The following GAN variants were observed in gnomAD, a reference collection of about 807,000 sequenced individuals.
The protein encoded by GAN is epididymis secretory sperm binding protein.
A neutral mutation model predicts 71.3 loss-of-function variants in GAN; 48 were observed. That is an observed-to-expected ratio of 0.67 (90% CI 0.53 to 0.86). The LOEUF is 0.86. Among genes scored for constraint, GAN ranks in the 40% least tolerant of loss-of-function variants. GAN has a pLI of 0.00. For synonymous variants in GAN, 386 were observed against 276.8 expected (o/e 1.39, Z -3.92); for missense variants, 928 against 770.1 (o/e 1.21, Z -2.43).
rs1000327910 is a variant in GAN at position 81,377,793 on chromosome 16, G to A, written c.*197G>A. 12 of 611,166 alleles carry A rather than the reference G, an allele frequency of 2.0e-5. No homozygotes were observed. Among genetic ancestry groups the A allele is most frequent in the Admixed American group, 5.5e-5 (2 of 36,574 alleles). The allele number at this position is 611,166 out of a possible 1,614,324, so 37.9% of individuals were successfully genotyped here. On this transcript the variant is annotated 3_prime_UTR_variant, in exon 11 of 11. Coordinates refer to ENST00000648994, the MANE Select transcript of GAN (RefSeq NM_022041.4). ...ACACGTAACTGTTGAAAAACTACCT[G>A]GGAGGAGTGAGTTCCTCCAGTTAAA...
chr16:81,355,213 C>A (rs2150686052), intron 3 of GAN, among the ~76,000 whole-genome samples: 1 of 152,244 alleles, frequency 6.6e-6, no homozygotes, highest in South Asian at 2.1e-4. Flanking sequence ...TGATTGACAC[C>A]ACGCAGGAGA....
intron 9 of GAN, among the ~76,000 whole-genome samples, chr16:81,370,826 C>G (rs1472234243): frequency 6.6e-6 from 1 of 152,234 alleles, no homozygotes; most frequent in African/African-American, 2.4e-5. Context: ...ATATTACTTC[C>G]ATCCTTTTAC....
intron 5 of GAN, among the ~76,000 whole-genome samples, chr16:81,360,436 T>C (rs913569078): frequency 2.0e-5 from 3 of 152,238 alleles, no homozygotes; most frequent in African/African-American, 7.2e-5. Flanking sequence ...CTAAAAAATC[T>C]CTTCTCTGGT....
At chr16:81,362,390 C>A in intron 5 of GAN, 109 bp from the exon 6 acceptor site, 1 of 728,282 alleles carries the variant, frequency 1.4e-6, no homozygotes, top group Non-Finnish European at 2.5e-6. Flanking sequence ...CCAAAGAGAA[C>A]ATTGTTGTCA....
At chr16:81,362,114 C>A (rs1910694159) in intron 5 of GAN, among the ~76,000 whole-genome samples, 1 of 152,174 alleles carries the variant, frequency 6.6e-6, no homozygotes, top group Non-Finnish European at 1.5e-5. Flanking sequence ...TGCCTCAGAT[C>A]TGGGTATTCC....
intron 1 of GAN, among the ~76,000 whole-genome samples, chr16:81,344,273 A>T (rs1455837988): frequency 6.6e-6 from 1 of 152,202 alleles, no homozygotes; most frequent in Non-Finnish European, 1.5e-5. Flanking sequence ...TAAACTTCAT[A>T]TGGAAGCAAA....
At chr16:81,368,703 A>G (rs762968041) in intron 9 of GAN, among the ~76,000 whole-genome samples, 5 of 151,936 alleles carry the variant, frequency 3.3e-5, no homozygotes, top group African/African-American at 9.7e-5. Flanking sequence ...CATTTTTCAC[A>G]TTTCCCACCT....
intron 1 of GAN, among the ~76,000 whole-genome samples, chr16:81,341,973 G>C (rs1179558547): frequency 6.6e-6 from 1 of 152,100 alleles, no homozygotes; most frequent in East Asian, 1.9e-4. Context: ...AAGAAGCAGG[G>C]GTTGCAATCC....
intron 7 of GAN, among the ~76,000 whole-genome samples, 176 bp downstream of exon 7, chr16:81,364,119 G>C (rs560647284): frequency 6.6e-6 from 1 of 152,302 alleles, no homozygotes; most frequent in Admixed American, 6.5e-5. Context: ...ACCAAGATAG[G>C]AAAGTGAGCG....
chr16:81,385,712 C>G lies in GAN; in HGVS notation c.*8116C>G, dbSNP rs1176778695. On this transcript the variant is annotated 3_prime_UTR_variant, in exon 11 of 11. Transcript: ENST00000648994. ...GGCCTTATAGCTTTCCACATTCTCA[C>G]GTCTGCTGCCACATGATATACAAGT... 6.6e-6 allele frequency: 1 copy of G among 151,240 alleles called. No homozygotes were observed. The highest frequency in any genetic ancestry group is 1.5e-5 in the Non-Finnish European group (1 of 68,030). The allele number at this position is 151,240 out of a possible 1,614,324, so 9.4% of individuals were successfully genotyped here.
chr16:81,330,377 T>G (rs1427502831), intron 1 of GAN, among the ~76,000 whole-genome samples: 1 of 152,242 alleles, frequency 6.6e-6, no homozygotes, highest in Non-Finnish European at 1.5e-5. Context: ...AAGACAGGCT[T>G]TGTGCAGGGC....
chr16:81,365,315 G>C lies in GAN; in HGVS notation c.1374-35G>C, dbSNP rs376869954. The C allele has an allele frequency of 5.9e-5, 96 of 1,613,632 alleles. No homozygotes were observed. The African/African-American group carries it at 9.2e-4, about 15-fold the overall frequency. ...CGGGAGTGAGATCTCGCATTGTACA[G>C]CTTGTGCCTGATAACGCTGTGTGTG... On this transcript the variant is annotated intron_variant, in intron 8 of 10. Coordinates refer to ENST00000648994, the MANE Select transcript of GAN (RefSeq NM_022041.4).
At chr16:81,359,410 T>TG (rs960418001) in intron 5 of GAN, among the ~76,000 whole-genome samples, 3 of 147,982 alleles carry the variant, frequency 2.0e-5, no homozygotes, top group Non-Finnish European at 4.5e-5. Context: ...GCATTGTTTT[T>TG]TTTTTTTTTT....
chr16:81,346,663 C>T (rs932688330), intron 1 of GAN, among the ~76,000 whole-genome samples: 2 of 152,132 alleles, frequency 1.3e-5, no homozygotes, highest in Non-Finnish European at 2.9e-5. Flanking sequence ...GAAACCAGTC[C>T]CTGGTGCCAA....
At chr16:81,369,305 A>C (rs1245425608) in intron 9 of GAN, among the ~76,000 whole-genome samples, 5 of 152,218 alleles carry the variant, frequency 3.3e-5, no homozygotes, top group African/African-American at 1.2e-4. Context: ...CCCTACCAAA[A>C]TAGAAAACCA....
rs144715559 is a variant in GAN, at chr16:81,341,280, G to A, written c.168-10303G>A. The stretch of plus-strand genomic sequence containing the variant: ...GGAGGCAGGCCAACATTCAAATTCA[G>A]GAAATACAGAGAATGCCACAAAGAT... On this transcript the variant is annotated intron_variant, in intron 1 of 10. Transcript: ENST00000648994. Among the ~76,000 whole-genome samples, 38 of 152,160 alleles carry A rather than the reference G, an allele frequency of 2.5e-4. No homozygotes were observed. In the East Asian group the frequency reaches 6.6e-3, roughly 26 times the overall value.
chr16:81,359,773 C>G (rs1385140037), intron 5 of GAN, among the ~76,000 whole-genome samples: 3 of 152,232 alleles, frequency 2.0e-5, no homozygotes, highest in South Asian at 2.1e-4. Flanking sequence ...TACTATACAT[C>G]CATACCCATG....
chr16:81,358,286 T>TG (rs1385379264), intron 5 of GAN, among the ~76,000 whole-genome samples: 1 of 152,204 alleles, frequency 6.6e-6, no homozygotes, highest in Non-Finnish European at 1.5e-5. Flanking sequence ...TTGAAATTCA[T>TG]GCAGCTTAGA....
At chr16:81,327,767 T>G (rs1301562848) in intron 1 of GAN, among the ~76,000 whole-genome samples, 1 of 150,188 alleles carries the variant, frequency 6.7e-6, no homozygotes. Context: ...AGTTTTTAAT[T>G]AGACAGGGGA....
Sources: gnomAD v4.1 joint callset for allele counts (sites outside exome capture counted in the v4.1 genomes callset) on GRCh38, gnomAD v4.1.1 for gene constraint, MANE v1.5 for transcripts, NCBI Gene and HGNC (gene_info 2026-07-23, HGNC 2026-07-21) for gene names.